Variants in NBEA observed in about 807,000 individuals in gnomAD.
NBEA encodes lysosomal-trafficking regulator 2.
A neutral mutation model predicts 343.4 loss-of-function variants in NBEA; 44 were observed. The observed-to-expected ratio is 0.13, with a 90% confidence interval of 0.10 to 0.16. The LOEUF (loss-of-function observed/expected upper bound fraction) is 0.16, where lower values mean the gene tolerates loss of function less well. Ranked by LOEUF, NBEA falls within the 10% of genes least tolerant of loss-of-function variation. The pLI, the probability that NBEA is intolerant of heterozygous loss-of-function variation, is 1.00. For synonymous variants in NBEA, 1,175 were observed against 1,238.7 expected, an observed-to-expected ratio of 0.95 and a Z score of 1.08; for missense variants, 2,555 against 3,631.3, an observed-to-expected ratio of 0.70 and a Z score of 7.62.
chr13:35,564,129 T>C (rs2080021102), intron 44 of NBEA, among the ~76,000 whole-genome samples: 2 of 152,076 alleles, frequency 1.3e-5, no homozygotes, highest in South Asian at 4.1e-4. Context: ...ATTTTTATGC[T>C]GTTTGCATTG....
At chr13:35,612,234 G>A (rs1292141229) in intron 48 of NBEA, among the ~76,000 whole-genome samples, 17 of 151,776 alleles carry the variant, frequency 1.1e-4, no homozygotes, top group Non-Finnish European at 2.5e-4. Context: ...CTGGGTTCAC[G>A]CCATTCTCCT....
intron 34 of NBEA, among the ~76,000 whole-genome samples, chr13:35,241,175 G>A (rs967588389): frequency 6.6e-5 from 10 of 151,690 alleles, no homozygotes; most frequent in Non-Finnish European, 1.3e-4. Flanking sequence ...TGAAAAAATC[G>A]AGTAATTTTG....
At position 35,070,622 on chromosome 13, in the gene NBEA, A is replaced by G. The variant is rs973804418; in HGVS notation, c.1438-97A>G. On this transcript the variant is annotated intron_variant, in intron 9 of 58. Coordinates refer to ENST00000379939, the MANE Select transcript of NBEA (RefSeq NM_001385012.1). ...ATTGAAGGCTTAAAAATGTCCAAGTATGTTATTTAATTCTATTATAAAGGT... is the reference window on the plus strand; with the variant it reads ...ATTGAAGGCTTAAAAATGTCCAAGTGTGTTATTTAATTCTATTATAAAGGT... 4 of 1,107,292 alleles carry G rather than the reference A, an allele frequency of 3.6e-6. No individual in the cohort carries two copies. In the African/African-American group the frequency reaches 4.8e-5, roughly 13 times the overall value. 68.6% of individuals were successfully genotyped at this position (1,107,292 alleles called of 1,614,324 possible).
At chr13:35,272,956 T>A (rs954625956) in intron 34 of NBEA, among the ~76,000 whole-genome samples, 1 of 151,880 alleles carries the variant, frequency 6.6e-6, no homozygotes, top group Non-Finnish European at 1.5e-5. Context: ...AGACCAAAGG[T>A]TAACAAGGAT....
At chr13:35,126,021 T>C (rs2067113823) in intron 17 of NBEA, among the ~76,000 whole-genome samples, 1 of 152,080 alleles carries the variant, frequency 6.6e-6, no homozygotes, top group African/African-American at 2.4e-5. Flanking sequence ...AATGTTAACA[T>C]AGTGATATGG....
At chr13:35,323,361 A>G (rs952029230) in intron 36 of NBEA, among the ~76,000 whole-genome samples, 3 of 152,006 alleles carry the variant, frequency 2.0e-5, no homozygotes, top group Non-Finnish European at 4.4e-5. Flanking sequence ...TGGCACTTAT[A>G]CACCATGGAA....
chr13:35,210,158 C>A (rs1433298142), intron 32 of NBEA, among the ~76,000 whole-genome samples: 1 of 151,690 alleles, frequency 6.6e-6, no homozygotes, highest in Non-Finnish European at 1.5e-5. Context: ...ATGATGTTTT[C>A]TTTTTAATTT....
intron 41 of NBEA, among the ~76,000 whole-genome samples, chr13:35,479,783 C>T (rs2076046699): frequency 6.6e-6 from 1 of 151,906 alleles, no homozygotes; most frequent in South Asian, 2.1e-4. Context: ...CTCAGTGCTA[C>T]TAGAATAAAA....
chr13:35,022,067 A>T (rs1045101260), intron 1 of NBEA, among the ~76,000 whole-genome samples: 4 of 152,106 alleles, frequency 2.6e-5, no homozygotes, highest in Non-Finnish European at 5.9e-5. Context: ...CATTTATGAA[A>T]TAGATTAGGA....
At chr13:35,241,655 C>T (rs2030306525) in intron 34 of NBEA, among the ~76,000 whole-genome samples, 1 of 151,668 alleles carries the variant, frequency 6.6e-6, no homozygotes, top group Non-Finnish European at 1.5e-5. Flanking sequence ...TCCTCATTCT[C>T]CCAAAGAAAA....
At chr13:35,238,197 C>G (rs2152775669) in intron 34 of NBEA, among the ~76,000 whole-genome samples, 1 of 152,264 alleles carries the variant, frequency 6.6e-6, no homozygotes, top group South Asian at 2.1e-4. Flanking sequence ...GTTCTGTGAG[C>G]ATTGTTTATG....
intron 34 of NBEA, among the ~76,000 whole-genome samples, chr13:35,239,032 T>C (rs1593883194): frequency 6.6e-6 from 1 of 152,110 alleles, no homozygotes; most frequent in Non-Finnish European, 1.5e-5. Context: ...TAGACTAAAA[T>C]ATAATTTCAG....
chr13:35,186,986 C>G (rs2071763848), intron 30 of NBEA, among the ~76,000 whole-genome samples: 1 of 151,784 alleles, frequency 6.6e-6, no homozygotes, highest in African/African-American at 2.4e-5. Flanking sequence ...GTTTTAAAAA[C>G]AAAACAAAGT....
intron 41 of NBEA, among the ~76,000 whole-genome samples, chr13:35,494,462 T>C (rs2076604761): frequency 6.6e-6 from 1 of 151,992 alleles, no homozygotes; most frequent in Non-Finnish European, 1.5e-5. Context: ...AATCGTGGTT[T>C]TTCCCATTAC....
At chr13:35,442,328 C>A (rs1045188255) in intron 39 of NBEA, among the ~76,000 whole-genome samples, 1 of 151,966 alleles carries the variant, frequency 6.6e-6, no homozygotes, top group Non-Finnish European at 1.5e-5. Flanking sequence ...TGTTTTATTA[C>A]GTTTTTTTAC....
chr13:35,014,473 G>C (rs2061584865), intron 1 of NBEA, among the ~76,000 whole-genome samples: 1 of 152,170 alleles, frequency 6.6e-6, no homozygotes, highest in South Asian at 2.1e-4. Context: ...GAAGGCCTTA[G>C]AGGTCATATA....
At chr13:35,410,257 A>G (rs2043502862) in intron 38 of NBEA, among the ~76,000 whole-genome samples, 1 of 151,822 alleles carries the variant, frequency 6.6e-6, no homozygotes, top group African/African-American at 2.4e-5. Flanking sequence ...CTGGCTTTAA[A>G]ACATTGAACT....
chr13:35,167,173 G>A (rs1271751247), intron 24 of NBEA, among the ~76,000 whole-genome samples: 1 of 151,978 alleles, frequency 6.6e-6, no homozygotes, highest in Non-Finnish European at 1.5e-5. Flanking sequence ...TTCATTGGCA[G>A]TATTGTTATC....
chr13:35,664,138 T>C (rs2085237616), intron 55 of NBEA, among the ~76,000 whole-genome samples: 1 of 152,118 alleles, frequency 6.6e-6, no homozygotes. Context: ...GGAGCAGCAG[T>C]CCAGCTAGCC....
Sources: gnomAD v4.1 joint callset for allele counts (sites outside exome capture counted in the v4.1 genomes callset) on GRCh38, gnomAD v4.1.1 for gene constraint, MANE v1.5 for transcripts, NCBI Gene and HGNC (gene_info 2026-07-23, HGNC 2026-07-21) for gene names.